The following CAMTA1 variants were observed in gnomAD, a reference collection of about 807,000 sequenced individuals.
CAMTA1 encodes the protein calmodulin-binding transcription activator 1.
In CAMTA1, 27 loss-of-function variants were observed where a neutral mutation model predicts 170.9. The ratio of observed to expected loss-of-function variants is 0.16; its 90% CI spans 0.12 to 0.22. The LOEUF (loss-of-function observed/expected upper bound fraction) is 0.22. Among genes scored for constraint, CAMTA1 ranks in the 10% least tolerant of loss-of-function variants. The pLI, the probability that CAMTA1 is intolerant of heterozygous loss-of-function variation, is 1.00. For missense variants in CAMTA1, 1,619 were observed against 2,217.2 expected (o/e 0.73, Z 5.42); for synonymous variants, 833 against 891.5 (o/e 0.93, Z 1.17).
chr1:6,855,463 C>A (rs1228557472), intron 3 of CAMTA1, among the ~76,000 whole-genome samples: 1 of 151,428 alleles, frequency 6.6e-6, no homozygotes, highest in South Asian at 2.1e-4. Flanking sequence ...AGAGCAGGAG[C>A]AAGAGAGAGA....
At chr1:7,363,356 A>C (rs1374768270) in intron 5 of CAMTA1, among the ~76,000 whole-genome samples, 2 of 151,936 alleles carry the variant, frequency 1.3e-5, no homozygotes, top group Non-Finnish European at 2.9e-5. Context: ...TAGCTATAAA[A>C]TATTACTTTA....
chr1:7,502,538 G>A (rs2094023566), intron 6 of CAMTA1, among the ~76,000 whole-genome samples: 1 of 152,172 alleles, frequency 6.6e-6, no homozygotes, highest in South Asian at 2.1e-4. Context: ...GGGAGCCCTT[G>A]GAGGAAGGAC....
chr1:6,995,800 A>C (rs1352463880), intron 3 of CAMTA1, among the ~76,000 whole-genome samples: 1 of 152,152 alleles, frequency 6.6e-6, no homozygotes, highest in Non-Finnish European at 1.5e-5. Context: ...AGCAAGGAGA[A>C]GTATGGATCA....
chr1:7,765,772 A>G (rs750590105), intron 22 of CAMTA1, among the ~76,000 whole-genome samples: 1 of 152,220 alleles, frequency 6.6e-6, no homozygotes, highest in Non-Finnish European at 1.5e-5. Context: ...TCACGCCTGT[A>G]ATCCCAGCAC....
At position 7,275,338 on chromosome 1, in the gene CAMTA1, AC is replaced by A. The variant is rs951427099; in HGVS notation, c.438+25713del. Among the ~76,000 whole-genome samples the A allele has an allele frequency of 5.3e-5, 8 of 152,122 alleles. No homozygotes were observed. The South Asian group carries it at 1.0e-3, about 20-fold the overall frequency. On this transcript the variant is annotated intron_variant, in intron 5 of 22. Coordinates refer to ENST00000303635, the MANE Select transcript of CAMTA1 (RefSeq NM_015215.4). ...AACAAAGGTTTAAAATGTGACCTAAACTTTTACATGTAGAAGCTAGAGAAAG... is the reference window on the plus strand; with the variant it reads ...AACAAAGGTTTAAAATGTGACCTAAATTTTACATGTAGAAGCTAGAGAAAG...
intron 11 of CAMTA1, among the ~76,000 whole-genome samples, chr1:7,678,068 C>T (rs1214632729): frequency 6.6e-6 from 1 of 152,186 alleles, no homozygotes; most frequent in Non-Finnish European, 1.5e-5. Context: ...TGGCGAAGGA[C>T]CCCAGGCAGC....
intron 5 of CAMTA1, among the ~76,000 whole-genome samples, chr1:7,406,607 T>TACAC (rs932479360): frequency 1.3e-5 from 2 of 151,582 alleles, no homozygotes; most frequent in African/African-American, 2.4e-5. Context: ...CACACGGATG[T>TACAC]ACACACACAC....
chr1:7,664,442 A>T lies in CAMTA1; in HGVS notation c.1895A>T (p.His632Leu). Reference protein sequence around the residue: ...SKPLPVEQNTHSSLSDSGGTF... With the variant: ...SKPLPVEQNTLSSLSDSGGTF... ...CCCCTCCCCGTCGAGCAGAACACCC[A>T]CAGCAGCCTGAGTGACTCTGGGGGC... Residue 632 changes from histidine to leucine, a missense_variant, in exon 9 of 23, where the codon CAC becomes CTC. His to Leu is a moderately conservative substitution (Grantham distance 99). Around this residue, in one of 8 missense-constraint regions of CAMTA1, gnomAD observed 731 missense variants for 907.6 expected, o/e 0.81. Transcript: ENST00000303635. 6.2e-7 allele frequency: 1 copy of T among 1,613,344 alleles called. No individual in the cohort carries two copies. The highest frequency in any genetic ancestry group is 8.5e-7 in the Non-Finnish European group (1 of 1,179,970).
At chr1:7,708,925 A>G (rs1043649249) in intron 11 of CAMTA1, among the ~76,000 whole-genome samples, 21 of 152,162 alleles carry the variant, frequency 1.4e-4, no homozygotes, top group Admixed American at 5.9e-4. Flanking sequence ...ATCAACTACT[A>G]AAAATTAATC....
At chr1:7,675,262 G>A (rs1459246634) in intron 10 of CAMTA1, among the ~76,000 whole-genome samples, 1 of 152,212 alleles carries the variant, frequency 6.6e-6, no homozygotes, top group African/African-American at 2.4e-5. Context: ...GATAGTGAGT[G>A]GGGTACGGGG....
At chr1:7,266,726 C>T (rs1668997415) in intron 5 of CAMTA1, among the ~76,000 whole-genome samples, 1 of 152,186 alleles carries the variant, frequency 6.6e-6, no homozygotes, top group African/African-American at 2.4e-5. Context: ...GAGGCAGGAA[C>T]ATTTGGCCTG....
chr1:7,745,070 A>T, intron 17 of CAMTA1, 48 bp downstream of exon 17: 4 of 1,522,280 alleles, frequency 2.6e-6, no homozygotes, highest in Non-Finnish European at 3.6e-6. Flanking sequence ...TCCCGGATGT[A>T]ATTGGAGGCA....
chr1:7,519,841 C>A (rs1374441281), intron 6 of CAMTA1, among the ~76,000 whole-genome samples: 1 of 151,622 alleles, frequency 6.6e-6, no homozygotes, highest in East Asian at 1.9e-4. Context: ...ACATGTTCCG[C>A]AGTGGTCCCT....
intron 6 of CAMTA1, among the ~76,000 whole-genome samples, chr1:7,492,567 A>G (rs986316127): frequency 6.6e-6 from 1 of 151,884 alleles, no homozygotes; most frequent in African/African-American, 2.4e-5. Flanking sequence ...ACGCACGCAC[A>G]TACAAACGCA....
chr1:7,378,592 G>C (rs1011882397), intron 5 of CAMTA1, among the ~76,000 whole-genome samples: 1 of 152,078 alleles, frequency 6.6e-6, no homozygotes, highest in African/African-American at 2.4e-5. Context: ...GCCTGGGGCC[G>C]GGGGCAGGGA....
At position 7,562,008 on chromosome 1, in the gene CAMTA1, T is replaced by C. The variant is rs894266745; in HGVS notation, c.511-78392T>C. On this transcript the variant is annotated intron_variant, in intron 6 of 22. Coordinates refer to ENST00000303635, the MANE Select transcript of CAMTA1 (RefSeq NM_015215.4). This position sits in a 1 kb window ranked among gnomAD's most constrained non-coding sequence, Gnocchi z 4.8. ...GCAGTCTCCAGAGAGATCATGAGGC[T>C]TTCTGCAGACTTTGTCCCCATCGAA... is the stretch of plus-strand genomic sequence containing the variant. Among the ~76,000 whole-genome samples the C allele has an allele frequency of 6.6e-6, 1 of 152,158 alleles. No individual in the cohort carries two copies. The highest frequency in any genetic ancestry group is 1.5e-5 in the Non-Finnish European group (1 of 68,032).
At chr1:7,001,772 A>G (rs1290613238) in intron 3 of CAMTA1, among the ~76,000 whole-genome samples, 1 of 152,270 alleles carries the variant, frequency 6.6e-6, no homozygotes, top group Non-Finnish European at 1.5e-5. Context: ...TGATCAGAGC[A>G]GAGAGGAACG....
rs2148882201 is a variant in CAMTA1 at position 7,634,044 on chromosome 1, GC to G, written c.511-6354del. On this transcript the variant is annotated intron_variant, in intron 6 of 22. Transcript: ENST00000303635. The surrounding 1 kb of genome is among the most constrained non-coding windows in gnomAD (Gnocchi z 6.2). ...GCCAGCAAGAAGCACAGGTGGCCCG[GC>G]CTGGAACCGTGGCAGGAGTGTGGGC... 6.6e-6 allele frequency among the ~76,000 whole-genome samples: 1 copy of G among 152,330 alleles called. No individual in the cohort carries two copies. Among genetic ancestry groups the G allele is most frequent in the East Asian group, 1.9e-4 (1 of 5,172 alleles).
rs933492916 is a variant in CAMTA1, at chr1:7,538,055, C to T, written c.510+70154C>T. On this transcript the variant is annotated intron_variant, in intron 6 of 22. Coordinates refer to ENST00000303635, the MANE Select transcript of CAMTA1 (RefSeq NM_015215.4). ...GTTACGATCAGAGGCAAGTTTACCA[C>T]GGAGCTAATGATGCTCAAGCTTGGA... Among the ~76,000 whole-genome samples, 13 of 152,334 alleles carry T rather than the reference C, an allele frequency of 8.5e-5. No individual in the cohort carries two copies. In the South Asian group the frequency reaches 2.3e-3, roughly 27 times the overall value.
Sources: allele counts gnomAD v4.1 joint callset (sites outside exome capture counted in the v4.1 genomes callset), GRCh38; gene constraint gnomAD v4.1.1; regional missense constraint gnomAD v4.1.1; non-coding constraint Gnocchi (gnomAD v3.1); transcripts MANE v1.5; gene names NCBI Gene and HGNC (gene_info 2026-07-23, HGNC 2026-07-21).